Variants in STARD3NL observed in about 807,000 individuals in gnomAD.
STARD3NL encodes STARD3 N-terminal like.
STARD3NL carries 17 observed loss-of-function variants against 30.9 expected under a neutral mutation model. The observed-to-expected ratio is 0.55, with a 90% CI of 0.38 to 0.82. The LOEUF is 0.82. STARD3NL is among the 40% of genes least tolerant of loss of function. STARD3NL has a pLI of 0.00. For missense variants in STARD3NL, 234 were observed against 277.6 expected (o/e 0.84, Z 1.12); for synonymous variants, 112 against 100.5 (o/e 1.11, Z -0.69).
chr7:38,179,555 A>G (rs938718250), intron 1 of STARD3NL, among the ~76,000 whole-genome samples: 9 of 152,230 alleles, frequency 5.9e-5, no homozygotes, highest in Admixed American at 1.3e-4. Context: ...GATTTATTCA[A>G]TGGACAGTTT....
intron 1 of STARD3NL, among the ~76,000 whole-genome samples, chr7:38,203,160 C>A (rs1785270539): frequency 6.6e-6 from 1 of 152,102 alleles, no homozygotes; most frequent in Non-Finnish European, 1.5e-5. Context: ...TCGAGAAGAG[C>A]AATTCCAAGA....
At chr7:38,222,338 A>C (rs1007293388) in intron 7 of STARD3NL, among the ~76,000 whole-genome samples, 1 of 152,242 alleles carries the variant, frequency 6.6e-6, no homozygotes, top group African/African-American at 2.4e-5. Context: ...AGAAACATAG[A>C]GCTAGATGAA....
chr7:38,218,090 G>A (rs1786228042), intron 6 of STARD3NL, among the ~76,000 whole-genome samples: 1 of 152,152 alleles, frequency 6.6e-6, no homozygotes, highest in Non-Finnish European at 1.5e-5. Context: ...TGTCCTTAAT[G>A]GAAGCCCACA....
At chr7:38,223,348 G>A (rs1786575352) in intron 7 of STARD3NL, among the ~76,000 whole-genome samples, 1 of 152,200 alleles carries the variant, frequency 6.6e-6, no homozygotes, top group East Asian at 1.9e-4. Flanking sequence ...AAAGAATTAG[G>A]AAGCATGATC....
At chr7:38,212,728 AC>A (rs1468467923) in intron 2 of STARD3NL, among the ~76,000 whole-genome samples, 7 of 152,150 alleles carry the variant, frequency 4.6e-5, no homozygotes, top group Non-Finnish European at 7.4e-5. Flanking sequence ...GAAAGAACTA[AC>A]CTGAGAGTCA....
chr7:38,217,139 G>C, intron 5 of STARD3NL, 49 bp from the exon 6 acceptor site: 2 of 1,613,618 alleles, frequency 1.2e-6, no homozygotes, highest in African/African-American at 2.7e-5. Context: ...TCGTTTTTCA[G>C]TGTGAGTTTG....
intron 1 of STARD3NL, among the ~76,000 whole-genome samples, chr7:38,204,446 A>T (rs1330187760): frequency 6.6e-6 from 1 of 152,226 alleles, no homozygotes; most frequent in African/African-American, 2.4e-5. Flanking sequence ...ACAAAAACAA[A>T]GACACAACAT....
At chr7:38,201,463 G>T (rs957920099) in intron 1 of STARD3NL, among the ~76,000 whole-genome samples, 4 of 152,062 alleles carry the variant, frequency 2.6e-5, no homozygotes, top group Non-Finnish European at 2.9e-5. Context: ...CTAAGAAAAT[G>T]ATTTAATTTC....
At chr7:38,207,831 A>G (rs773690360) in intron 2 of STARD3NL, 102 bp downstream of exon 2, 14 of 1,128,158 alleles carry the variant, frequency 1.2e-5, no homozygotes, top group Admixed American at 7.4e-5. Context: ...AGTAATTTCC[A>G]TCTTTTTCCA....
intron 2 of STARD3NL, among the ~76,000 whole-genome samples, chr7:38,211,366 TC>T (rs1785792636): frequency 6.6e-6 from 1 of 152,054 alleles, no homozygotes; most frequent in Admixed American, 6.6e-5. Flanking sequence ...GGAAGGATGA[TC>T]CTTCAGTGTG....
intron 1 of STARD3NL, among the ~76,000 whole-genome samples, chr7:38,205,083 C>A (rs1344437771): frequency 2.0e-5 from 3 of 152,198 alleles, no homozygotes; most frequent in Non-Finnish European, 4.4e-5. Context: ...ACCATTCCTT[C>A]TGAAACTATT....
chr7:38,189,367 A>C (rs973566177), intron 1 of STARD3NL, among the ~76,000 whole-genome samples: 1 of 152,208 alleles, frequency 6.6e-6, no homozygotes, highest in Non-Finnish European at 1.5e-5. Context: ...AAGGAAGTGC[A>C]GTTGAAATGT....
At chr7:38,219,909 A>G (rs1396969111) in intron 7 of STARD3NL, among the ~76,000 whole-genome samples, 3 of 152,204 alleles carry the variant, frequency 2.0e-5, no homozygotes, top group Non-Finnish European at 2.9e-5. Flanking sequence ...GAAGACACAC[A>G]GACAAGGGGA....
At chr7:38,198,929 G>A (rs530268509) in intron 1 of STARD3NL, among the ~76,000 whole-genome samples, 25 of 152,326 alleles carry the variant, frequency 1.6e-4, no homozygotes, top group African/African-American at 5.3e-4. Flanking sequence ...GTGAGCTTGA[G>A]AATAAATGTA....
At chr7:38,188,258 G>A (rs1784544271) in intron 1 of STARD3NL, among the ~76,000 whole-genome samples, 1 of 152,066 alleles carries the variant, frequency 6.6e-6, no homozygotes, top group Non-Finnish European at 1.5e-5. Context: ...CTCTCACTTG[G>A]CTGCAGCTTC....
At chr7:38,189,068 G>A (rs1260439734) in intron 1 of STARD3NL, among the ~76,000 whole-genome samples, 1 of 152,176 alleles carries the variant, frequency 6.6e-6, no homozygotes, top group Non-Finnish European at 1.5e-5. Flanking sequence ...AGAAATCATT[G>A]AATGAGACAA....
intron 7 of STARD3NL, 97 bp from the exon 8 acceptor site, chr7:38,228,702 T>A (rs1786926358): frequency 1.1e-6 from 1 of 933,260 alleles, no homozygotes; most frequent in South Asian, 1.8e-5. Flanking sequence ...AATGTTTTTA[T>A]GTGTATATGT....
intron 2 of STARD3NL, among the ~76,000 whole-genome samples, chr7:38,208,792 G>A (rs1236484250): frequency 1.3e-5 from 2 of 152,202 alleles, no homozygotes; most frequent in East Asian, 1.9e-4. Flanking sequence ...AAAAGATGCT[G>A]AGATTCCTGT....
At chr7:38,178,729 C>A (rs1784122547) in intron 1 of STARD3NL, among the ~76,000 whole-genome samples, 1 of 152,152 alleles carries the variant, frequency 6.6e-6, no homozygotes. Flanking sequence ...CCTGAGGAGT[C>A]CCCGGTGGGG....
Sources: allele counts gnomAD v4.1 joint callset (sites outside exome capture counted in the v4.1 genomes callset), GRCh38; gene constraint gnomAD v4.1.1; transcripts MANE v1.5; gene names NCBI Gene and HGNC (gene_info 2026-07-23, HGNC 2026-07-21).